MSRA: variants seen among roughly 807,000 people sequenced by gnomAD.
MSRA encodes mitochondrial peptide methionine sulfoxide reductase.
A neutral mutation model predicts 31.3 loss-of-function variants in MSRA; 54 were observed. The observed-to-expected ratio is 1.73, with a 90% CI of 1.39 to 2.17. The LOEUF (loss-of-function observed/expected upper bound fraction) is 2.17. Among genes scored for constraint, MSRA ranks in the 30% most tolerant of loss-of-function variants. The pLI is 0.00. For synonymous variants in MSRA, 169 were observed against 116.5 expected (o/e 1.45, Z -2.90); for missense variants, 507 against 300.9 (o/e 1.69, Z -5.07).
intron 3 of MSRA, among the ~76,000 whole-genome samples, chr8:10,266,713 T>C (rs1344889618): frequency 6.6e-6 from 1 of 152,214 alleles, no homozygotes; most frequent in South Asian, 2.1e-4. Flanking sequence ...AAGATGTACA[T>C]TTAAGTCTGC....
chr8:10,080,641 T>C (rs1798244775), intron 1 of MSRA, among the ~76,000 whole-genome samples: 1 of 151,666 alleles, frequency 6.6e-6, no homozygotes, highest in African/African-American at 2.4e-5. Flanking sequence ...TCCTCCCAAC[T>C]CAGCCTCCTT....
intron 3 of MSRA, among the ~76,000 whole-genome samples, chr8:10,284,875 C>T (rs186239073): frequency 2.0e-5 from 3 of 152,194 alleles, no homozygotes; most frequent in Admixed American, 6.6e-5. Context: ...TGTGCCTCAT[C>T]CAGAACAAGC....
chr8:10,365,167 C>A (rs1231965391), intron 5 of MSRA, among the ~76,000 whole-genome samples: 1 of 140,590 alleles, frequency 7.1e-6, no homozygotes, highest in South Asian at 2.3e-4. Flanking sequence ...AAAAAAAAGT[C>A]GAGACTGGAA....
chr8:10,338,156 T>G (rs1803176074), intron 5 of MSRA, among the ~76,000 whole-genome samples: 1 of 152,120 alleles, frequency 6.6e-6, no homozygotes, highest in Non-Finnish European at 1.5e-5. Flanking sequence ...AAGAGGAACC[T>G]AGGAAAGTGA....
rs544970138 is a variant in MSRA, at chr8:10,063,356, C to A, written c.142+8698C>A. On this transcript the variant is annotated intron_variant, in intron 1 of 5. Transcript: ENST00000317173. ...CTAAAATTTGAATTTCATTCTCTCA[C>A]TGTTTAGGGAACAGCAGCGACTTGG... Among the ~76,000 whole-genome samples the A allele has an allele frequency of 2.0e-5, 3 of 152,356 alleles. No homozygotes were observed. The South Asian group carries it at 6.2e-4, about 32-fold the overall frequency.
intron 5 of MSRA, among the ~76,000 whole-genome samples, chr8:10,329,257 C>T (rs1802552193): frequency 6.6e-6 from 1 of 152,212 alleles, no homozygotes; most frequent in African/African-American, 2.4e-5. Context: ...AAGTCAATTT[C>T]CCTGGACCCA....
intron 1 of MSRA, among the ~76,000 whole-genome samples, chr8:10,159,209 T>A (rs1305559600): frequency 6.6e-6 from 1 of 152,090 alleles, no homozygotes; most frequent in African/African-American, 2.4e-5. Context: ...GATGTGAGGA[T>A]TGGGGAGCGC....
chr8:10,210,578 C>T (rs930798440), intron 2 of MSRA, among the ~76,000 whole-genome samples: 2 of 152,244 alleles, frequency 1.3e-5, no homozygotes, highest in Non-Finnish European at 2.9e-5. Flanking sequence ...TCCATTTGAC[C>T]ACAGTAGCAT....
chr8:10,392,876 C>G (rs1806838676), intron 5 of MSRA, among the ~76,000 whole-genome samples: 1 of 110,024 alleles, frequency 9.1e-6, no homozygotes, highest in South Asian at 3.3e-4. Context: ...AAAACCCCGT[C>G]TCTACTAAAA....
intron 3 of MSRA, among the ~76,000 whole-genome samples, chr8:10,286,250 C>G (rs934367047): frequency 6.6e-6 from 1 of 152,262 alleles, no homozygotes; most frequent in Non-Finnish European, 1.5e-5. Flanking sequence ...GACTGTATCC[C>G]CACCCAGATC....
At chr8:10,189,703 T>C (rs1293831727) in intron 1 of MSRA, among the ~76,000 whole-genome samples, 1 of 152,192 alleles carries the variant, frequency 6.6e-6, no homozygotes, top group African/African-American at 2.4e-5. Context: ...TTGGCCATGA[T>C]TGTTATACTT....
chr8:10,065,336 G>C (rs1797403260), intron 1 of MSRA, among the ~76,000 whole-genome samples: 1 of 152,188 alleles, frequency 6.6e-6, no homozygotes, highest in South Asian at 2.1e-4. Context: ...CCCATCCTCA[G>C]AATGTAAGAG....
At chr8:10,338,300 T>C (rs1221477844) in intron 5 of MSRA, among the ~76,000 whole-genome samples, 1 of 152,002 alleles carries the variant, frequency 6.6e-6, no homozygotes, top group African/African-American at 2.4e-5. Flanking sequence ...TCTGAAGAAG[T>C]TGAAATCCTA....
rs115274102 is a variant in MSRA, at chr8:10,094,408, T to C, written c.142+39750T>C. ...CTAATTGTGAAGATGACACATTTGA[T>C]TGGCGGAGCACACAAACTTAACTAA... On this transcript the variant is annotated intron_variant, in intron 1 of 5. Coordinates refer to ENST00000317173, the MANE Select transcript of MSRA (RefSeq NM_012331.5). Among the ~76,000 whole-genome samples, 1,226 of 152,342 alleles carry C rather than the reference T, an allele frequency of 8.0e-3. 16 individuals are homozygous for C. The highest frequency in any genetic ancestry group is 0.027 in the African/African-American group (1,105 of 41,572).
At chr8:10,213,594 G>C (rs1809715413) in intron 2 of MSRA, among the ~76,000 whole-genome samples, 1 of 151,878 alleles carries the variant, frequency 6.6e-6, no homozygotes, top group East Asian at 1.9e-4. Flanking sequence ...GTGCCAACAT[G>C]CCTGGCTAAT....
At chr8:10,366,537 C>G (rs115484137) in intron 5 of MSRA, among the ~76,000 whole-genome samples, 1 of 152,224 alleles carries the variant, frequency 6.6e-6, no homozygotes, top group Non-Finnish European at 1.5e-5. Flanking sequence ...TGAGGGTCAG[C>G]GATGGGAGCT....
At chr8:10,288,352 AT>A (rs1250424147) in intron 3 of MSRA, among the ~76,000 whole-genome samples, 1 of 152,080 alleles carries the variant, frequency 6.6e-6, no homozygotes, top group East Asian at 1.9e-4. Context: ...CCAAGAACCG[AT>A]TTTTGCCCCC....
Position 10,351,764 on chromosome 8 carries a change from T to C in MSRA, c.543+31775T>C, listed in dbSNP as rs752777138. Among the ~76,000 whole-genome samples, 4 of 152,220 alleles carry C rather than the reference T, an allele frequency of 2.6e-5. No homozygotes were observed. The East Asian group carries it at 5.8e-4, about 22-fold the overall frequency. On this transcript the variant is annotated intron_variant, in intron 5 of 5. Transcript: ENST00000317173. ...ATAGAAGGCAGTACTTCTCAAACTTTCATGTTCACCGAAGTCACCTGGGGA... is the reference window on the plus strand; with the variant it reads ...ATAGAAGGCAGTACTTCTCAAACTTCCATGTTCACCGAAGTCACCTGGGGA...
At chr8:10,065,786 G>A (rs973758879) in intron 1 of MSRA, among the ~76,000 whole-genome samples, 1 of 152,076 alleles carries the variant, frequency 6.6e-6, no homozygotes, top group African/African-American at 2.4e-5. Context: ...TTAAAGTGAG[G>A]ACTGTATTGT....
Sources: allele counts gnomAD v4.1 joint callset (sites outside exome capture counted in the v4.1 genomes callset), GRCh38; gene constraint gnomAD v4.1.1; transcripts MANE v1.5; gene names NCBI Gene and HGNC (gene_info 2026-07-23, HGNC 2026-07-21).